Variants in PNPLA1 observed in about 807,000 individuals in gnomAD.
The protein encoded by PNPLA1 is patatin like domain 1, omega-hydroxyceramide transacylase.
PNPLA1 carries 36 observed loss-of-function variants against 51.7 expected under a neutral mutation model. That is an observed-to-expected ratio of 0.70 (90% confidence interval 0.53 to 0.92). PNPLA1 has a LOEUF of 0.92. Ranked by LOEUF, PNPLA1 falls within the 40% of genes least tolerant of loss-of-function variation. PNPLA1 has a pLI of 0.00. For synonymous variants in PNPLA1, 293 were observed against 280.1 expected (o/e 1.05, Z -0.46); for missense variants, 658 against 682.5 (o/e 0.96, Z 0.40).
chr6:36,296,708 T>C (rs576295511), intron 5 of PNPLA1, among the ~76,000 whole-genome samples: 26 of 152,290 alleles, frequency 1.7e-4, no homozygotes, highest in Non-Finnish European at 3.7e-4. Flanking sequence ...GTGGAGAGGC[T>C]GGACGGACAG....
upstream of PNPLA1, among the ~76,000 whole-genome samples, chr6:36,269,328 T>A (rs561544518): frequency 1.5e-3 from 221 of 152,106 alleles, 2 homozygotes; most frequent in African/African-American, 5.0e-3. Flanking sequence ...TGAGAACCAC[T>A]CCTCCCCATC....
intron 5 of PNPLA1, among the ~76,000 whole-genome samples, chr6:36,299,342 T>TG (rs1770958228): frequency 2.0e-5 from 3 of 149,022 alleles, no homozygotes; most frequent in African/African-American, 7.5e-5. Flanking sequence ...TCTGTTTTTT[T>TG]TTTTTTTTTT....
At chr6:36,293,020 C>T (rs1362509333) in intron 2 of PNPLA1, 41 bp from the exon 3 acceptor site, 21 of 1,565,856 alleles carry the variant, frequency 1.3e-5, no homozygotes, top group Non-Finnish European at 1.8e-5. Flanking sequence ...CCCACCCCAC[C>T]CCCGGGCCTC....
intron 1 of PNPLA1, among the ~76,000 whole-genome samples, chr6:36,273,762 A>AAAAAT (rs1554135596): frequency 6.8e-6 from 1 of 147,358 alleles, no homozygotes; most frequent in Non-Finnish European, 1.5e-5. Context: ...AGATGAAGAA[A>AAAAAT]GAAAGAAAAG....
intron 6 of PNPLA1, among the ~76,000 whole-genome samples, chr6:36,304,495 C>T (rs1771171024): frequency 6.6e-6 from 1 of 151,872 alleles, no homozygotes; most frequent in Non-Finnish European, 1.5e-5. Context: ...GGCATGGTGG[C>T]AAGTACCTGC....
rs966285861 is a variant in PNPLA1, at chr6:36,270,173, G to A, written c.-287G>A. Among the ~76,000 whole-genome samples the A allele has an allele frequency of 6.6e-6, 1 of 152,240 alleles. No homozygotes were observed. Among genetic ancestry groups the A allele is most frequent in the African/African-American group, 2.4e-5 (1 of 41,468 alleles). On this transcript the variant is annotated 5_prime_UTR_variant, in exon 1 of 9. Transcript: ENST00000636260. The stretch of plus-strand genomic sequence containing the variant: ...CTAGCCAAGAAATGAAGCCAGTGGG[G>A]GGCTCACAGGACCAAGACCCTGCTC...
At chr6:36,311,400 G>T (rs529544465) in intron 8 of PNPLA1, among the ~76,000 whole-genome samples, 5 of 152,228 alleles carry the variant, frequency 3.3e-5, no homozygotes, top group African/African-American at 1.2e-4. Flanking sequence ...TGCAAGGATG[G>T]AGGTAGCGGA....
Position 36,270,387 on chromosome 6 carries a change from C to T in PNPLA1, c.-73C>T, listed in dbSNP as rs573611695. On this transcript the variant is annotated 5_prime_UTR_variant, in exon 1 of 9. Coordinates refer to ENST00000636260, the MANE Select transcript of PNPLA1 (RefSeq NM_001374623.1). ...CTGGGTAGGGAGTTCCTACAGGGAG[C>T]GGCAGCCCAGGCTCGGGCAGGCAAG... 2.5e-5 allele frequency: 37 copies of T among 1,463,612 alleles called. No individual in the cohort carries two copies. Among genetic ancestry groups the T allele is most frequent in the African/African-American group, 7.0e-5 (5 of 71,470 alleles). 90.7% of individuals were successfully genotyped at this position (1,463,612 alleles called of 1,614,324 possible).
chr6:36,283,309 G>A (rs774177196), intron 1 of PNPLA1, among the ~76,000 whole-genome samples: 25 of 152,218 alleles, frequency 1.6e-4, no homozygotes, highest in Non-Finnish European at 2.9e-4. Flanking sequence ...TATTAAAATA[G>A]CATTGTTTTC....
chr6:36,258,691 C>G (rs1312305345), intron 1 of PNPLA1, among the ~76,000 whole-genome samples: 1 of 152,186 alleles, frequency 6.6e-6, no homozygotes, highest in Non-Finnish European at 1.5e-5. Flanking sequence ...CTTTCTTAAA[C>G]TCCTTTGTTC....
At chr6:36,275,734 C>T (rs1041877337) in intron 1 of PNPLA1, among the ~76,000 whole-genome samples, 1 of 152,148 alleles carries the variant, frequency 6.6e-6, no homozygotes, top group Non-Finnish European at 1.5e-5. Context: ...AATATTGCCT[C>T]CATTATGTTT....
chr6:36,259,374 C>T (rs1474304891), intron 1 of PNPLA1, among the ~76,000 whole-genome samples: 1 of 151,952 alleles, frequency 6.6e-6, no homozygotes, highest in African/African-American at 2.4e-5. Context: ...TTATCTGCTG[C>T]AAGCAGTTAA....
chr6:36,284,601 ATCCG>A lies in PNPLA1; in HGVS notation c.206-6718_206-6715del, dbSNP rs1263483501. Among the ~76,000 whole-genome samples the A allele has an allele frequency of 1.3e-4, 18 of 142,384 alleles. No homozygotes were observed. The East Asian group carries it at 3.5e-3, about 28-fold the overall frequency. The allele number at this position is 142,384 out of a possible 152,430, so 93.4% of individuals were successfully genotyped here. On this transcript the variant is annotated intron_variant, in intron 1 of 8. Coordinates refer to ENST00000636260, the MANE Select transcript of PNPLA1 (RefSeq NM_001374623.1). ...CATCCATCCATCCATCCATCCATCC[ATCCG>A]GCTGACATTTACTGAGGCTCATCTT... is the stretch of plus-strand genomic sequence containing the variant.
At position 36,307,688 on chromosome 6, in the gene PNPLA1, C is replaced by G. The variant is rs1479853037; in HGVS notation, c.1571C>G (p.Ser524Cys). The stretch of plus-strand genomic sequence containing the variant: ...AAAGGCTTCCCAAGACATTCGGGAT[C>G]CAAAAAACCAAGCAGCAAAGTGCAG... ...TRKGFPRHSG[S>C]KKPSSKVQSA... is the part of the protein sequence containing the mutation. The change falls in exon 8 of 9, where the codon TCC becomes TGC. Residue 524 changes from serine to cysteine, a missense_variant. Physicochemically the swap from Ser to Cys is moderately radical, Grantham distance 112. Transcript: ENST00000636260. 1.2e-6 allele frequency: 2 copies of G among 1,613,792 alleles called. No homozygotes were observed. The highest frequency in any genetic ancestry group is 1.7e-6 in the Non-Finnish European group (2 of 1,179,954).
intron 6 of PNPLA1, among the ~76,000 whole-genome samples, chr6:36,303,347 C>A (rs1440844701): frequency 6.6e-6 from 1 of 152,172 alleles, no homozygotes; most frequent in Non-Finnish European, 1.5e-5. Flanking sequence ...CCCGCCTTGG[C>A]CTCCCAAAGT....
At chr6:36,281,336 A>G (rs1247567988) in intron 1 of PNPLA1, among the ~76,000 whole-genome samples, 1 of 152,166 alleles carries the variant, frequency 6.6e-6, no homozygotes, top group Non-Finnish European at 1.5e-5. Context: ...CACTCCCAAA[A>G]TTAGTTATCT....
chr6:36,289,922 C>T (rs752684944), intron 1 of PNPLA1, among the ~76,000 whole-genome samples: 1 of 152,210 alleles, frequency 6.6e-6, no homozygotes, highest in Non-Finnish European at 1.5e-5. Flanking sequence ...GGGTAAATCA[C>T]TTAACCTCTC....
Position 36,302,066 on chromosome 6 carries a change from T to A in PNPLA1, c.981T>A (p.Pro327=). ...KGDGRGSHGP[P]VSQPVQTLEF... ...ATGGAAGGGGCAGCCATGGTCCGCCTGTGTCCCAACCTGTGCAGACACTTG... is the reference window on the plus strand; with the variant it reads ...ATGGAAGGGGCAGCCATGGTCCGCCAGTGTCCCAACCTGTGCAGACACTTG... The change falls in exon 6 of 9, where the codon CCT becomes CCA. Residue 327 remains proline, a synonymous_variant. Transcript: ENST00000636260. The A allele has an allele frequency of 6.2e-7, 1 of 1,614,154 alleles. No individual in the cohort carries two copies. The highest frequency in any genetic ancestry group is 8.5e-7 in the Non-Finnish European group (1 of 1,180,012).
At chr6:36,251,358 A>G (rs1390102049) in intron 1 of PNPLA1, among the ~76,000 whole-genome samples, 1 of 152,102 alleles carries the variant, frequency 6.6e-6, no homozygotes, top group Admixed American at 6.6e-5. Flanking sequence ...ATGTCATAAT[A>G]GATGCTTAAT....
Sources: allele counts gnomAD v4.1 joint callset (sites outside exome capture counted in the v4.1 genomes callset), GRCh38; gene constraint gnomAD v4.1.1; transcripts MANE v1.5; gene names NCBI Gene and HGNC (gene_info 2026-07-23, HGNC 2026-07-21).